PROKR1: variants seen among roughly 807,000 people sequenced by gnomAD.
PROKR1 encodes prokineticin receptor 1.
Under a neutral mutation model 22.8 loss-of-function variants are expected in PROKR1, and 21 were observed. The ratio of observed to expected loss-of-function variants is 0.92; its 90% CI spans 0.65 to 1.32. The LOEUF is 1.32. PROKR1 is among the 40% of genes most tolerant of loss of function. The probability of loss-of-function intolerance (pLI) is 0.00; values close to 1 mark genes in which losing one functional copy is unlikely to be tolerated. For synonymous variants in PROKR1, 193 were observed against 207.5 expected (o/e 0.93, Z 0.60); for missense variants, 548 against 514.2 (o/e 1.07, Z -0.64).
intron 1 of PROKR1, among the ~76,000 whole-genome samples, chr2:68,644,556 T>A (rs1673132766): frequency 6.6e-6 from 1 of 152,120 alleles, no homozygotes; most frequent in South Asian, 2.1e-4. Context: ...GCTCCAGATG[T>A]TTTGCCTCGG....
intron 2 of PROKR1, among the ~76,000 whole-genome samples, chr2:68,646,548 C>A (rs1673183450): frequency 6.6e-6 from 1 of 152,208 alleles, no homozygotes; most frequent in Non-Finnish European, 1.5e-5. Context: ...AGCTTTTGAT[C>A]TCCCTTGCTA....
chr2:68,653,319 GC>G (rs1485379346), intron 2 of PROKR1, among the ~76,000 whole-genome samples: 2 of 152,114 alleles, frequency 1.3e-5, no homozygotes, highest in African/African-American at 4.8e-5. Flanking sequence ...AACATCTGGG[GC>G]TAGAAGAGCT....
At chr2:68,644,544 A>G (rs964997411) in intron 1 of PROKR1, among the ~76,000 whole-genome samples, 3 of 152,112 alleles carry the variant, frequency 2.0e-5, no homozygotes, top group Non-Finnish European at 4.4e-5. Flanking sequence ...CCAAGAAGAC[A>G]GGCTCCAGAT....
In PROKR1 at chr2:68,658,084, T is replaced by TCGCA. The variant is rs1428805809; in HGVS notation, c.*2508_*2509insCGCA. 1 of 152,236 alleles carries TCGCA rather than the reference T, an allele frequency of 6.6e-6. No individual in the cohort carries two copies. The highest frequency in any genetic ancestry group is 1.5e-5 in the Non-Finnish European group (1 of 68,044). 9.4% of individuals were successfully genotyped at this position (152,236 alleles called of 1,614,324 possible). A position where few individuals can be genotyped will look rare whatever the true frequency, so the allele number is the denominator to read the frequency against. On this transcript the variant is annotated 3_prime_UTR_variant, in exon 3 of 3. Coordinates refer to ENST00000303786, the MANE Select transcript of PROKR1 (RefSeq NM_138964.4). ...GTTGATTGTATTAAACAGGAGCTTT[T>TCGCA]TATATGCGGCAACCAAAGCCCACTC...
At chr2:68,644,615 G>A (rs1016340051) in intron 1 of PROKR1, among the ~76,000 whole-genome samples, 1 of 152,136 alleles carries the variant, frequency 6.6e-6, no homozygotes, top group African/African-American at 2.4e-5. Context: ...TGGGGTCCTG[G>A]GCATCTTCCT....
At position 68,645,973 on chromosome 2, in the gene PROKR1, A is replaced by G; in HGVS notation, c.152A>G (p.Asp51Gly). The change falls in exon 2 of 3, where the codon GAT (aspartate) becomes GGT (glycine). Residue 51 changes from aspartate (D) to glycine (G), a missense_variant. Asp to Gly is a moderately conservative substitution (Grantham distance 94, BLOSUM62 -1). Coordinates refer to ENST00000303786, the MANE Select transcript of PROKR1 (RefSeq NM_138964.4). ...GATATGCCTTTGGATGAAGATGAGGATGTGACCAATTCCAGGACGTTCTTT... is the reference window on the plus strand; with the variant it reads ...GATATGCCTTTGGATGAAGATGAGGGTGTGACCAATTCCAGGACGTTCTTT... ...DYDMPLDEDE[D>G]VTNSRTFFAA... 2 of 1,614,236 alleles carry G rather than the reference A, an allele frequency of 1.2e-6. No individual in the cohort carries two copies. Among genetic ancestry groups the G allele is most frequent in the Non-Finnish European group, 1.7e-6 (2 of 1,180,046 alleles).
Position 68,656,887 on chromosome 2 carries a change from A to T in PROKR1, c.*1311A>T, listed in dbSNP as rs996732627. 1 of 152,334 alleles carries T rather than the reference A, an allele frequency of 6.6e-6. No homozygotes were observed. Among genetic ancestry groups the T allele is most frequent in the Non-Finnish European group, 1.5e-5 (1 of 68,124 alleles). 9.4% of individuals were successfully genotyped at this position (152,334 alleles called of 1,614,324 possible). ...GTGGCAGGGGATGCAGGTCAGATGC[A>T]TCTTCCAGAAGTCTGGGCACCCAGG... On this transcript the variant is annotated 3_prime_UTR_variant, in exon 3 of 3. Transcript: ENST00000303786.
rs1241410090 is a variant in PROKR1, at chr2:68,646,229, G to A, written c.408G>A (p.Leu136=). ...TCTCCTGGGAGCACGGCCACGTCCT[G>A]TGCACCTCTGTCAACTACCTGCGCA... ...RQLSWEHGHV[L]CTSVNYLRTV... The change falls in exon 2 of 3, where the codon CTG becomes CTA. Residue 136 remains leucine, a synonymous_variant. Transcript: ENST00000303786. 6.2e-7 allele frequency: 1 copy of A among 1,613,806 alleles called. No individual in the cohort carries two copies.
At chr2:68,653,597 G>A (rs1673380549) in intron 2 of PROKR1, among the ~76,000 whole-genome samples, 1 of 152,122 alleles carries the variant, frequency 6.6e-6, no homozygotes, top group African/African-American at 2.4e-5. Flanking sequence ...GACTGTGTTT[G>A]TTTCCACTGT....
At position 68,646,005 on chromosome 2, in the gene PROKR1, A is replaced by T. The variant is rs138504480; in HGVS notation, c.184A>T (p.Lys62Ter). Reference sequence around the variant, plus strand: ...CAATTCCAGGACGTTCTTTGCTGCCAAGATTGTCATTGGGATGGCCCTGGT... The same window carrying T: ...CAATTCCAGGACGTTCTTTGCTGCCTAGATTGTCATTGGGATGGCCCTGGT... Reference protein sequence around the residue: ...VTNSRTFFAAKIVIGMALVGI... With the variant: ...VTNSRTFFAA The change falls in exon 2 of 3, where the codon AAG (lysine) becomes TAG (stop). Residue 62 changes from lysine (K) to a stop codon, truncating the protein, a stop_gained. Transcript: ENST00000303786. LOFTEE classifies it high-confidence loss of function. The T allele has an allele frequency of 2.5e-5, 40 of 1,614,120 alleles. No homozygotes were observed. Among genetic ancestry groups the T allele is most frequent in the Non-Finnish European group, 3.2e-5 (38 of 1,180,048 alleles).
chr2:68,658,181 T>G lies in PROKR1; in HGVS notation c.*2605T>G, dbSNP rs1285987789. 1 of 152,190 alleles carries G rather than the reference T, an allele frequency of 6.6e-6. No homozygotes were observed. The highest frequency in any genetic ancestry group is 6.5e-5 in the Admixed American group (1 of 15,286). The allele number at this position is 152,190 out of a possible 1,614,324, so 9.4% of individuals were successfully genotyped here. A position where few individuals can be genotyped will look rare whatever the true frequency, so the allele number is the denominator to read the frequency against. On this transcript the variant is annotated 3_prime_UTR_variant, in exon 3 of 3. Coordinates refer to ENST00000303786, the MANE Select transcript of PROKR1 (RefSeq NM_138964.4). Reference sequence around the variant, plus strand: ...TTACTTCCAAATATTAGTGTCTGCTTGTAATTTTGTAGTGAATGAGGGTGT... The same window carrying G: ...TTACTTCCAAATATTAGTGTCTGCTGGTAATTTTGTAGTGAATGAGGGTGT...
In PROKR1 at chr2:68,654,886, G is replaced by A; in HGVS notation, c.492G>A (p.Leu164=). Residue 164 remains leucine (L), a synonymous_variant, in exon 3 of 3, where the codon CTG becomes CTA. Coordinates refer to ENST00000303786, the MANE Select transcript of PROKR1 (RefSeq NM_138964.4). Reference sequence around the variant, plus strand: ...ACTTGTGTTCTTGCCCTAGGTATCTGGCTATTGTCCATCCGCTGAGACCAC... The same window carrying A: ...ACTTGTGTTCTTGCCCTAGGTATCTAGCTATTGTCCATCCGCTGAGACCAC... ...ALLAIAIDRY[L]AIVHPLRPRM... is the part of the protein sequence containing the mutation. The A allele has an allele frequency of 6.2e-7, 1 of 1,611,994 alleles. No individual in the cohort carries two copies. Among genetic ancestry groups the A allele is most frequent in the Middle Eastern group, 1.7e-4 (1 of 6,060 alleles).
chr2:68,645,640 A>G, intron 1 of PROKR1, 22 bp from the exon 2 acceptor site: 2 of 863,854 alleles, frequency 2.3e-6, no homozygotes, highest in East Asian at 2.6e-5. Flanking sequence ...CATATAGCCA[A>G]CTGTTTGTAT....
chr2:68,644,517 G>A (rs1288203472), intron 1 of PROKR1, among the ~76,000 whole-genome samples: 2 of 152,164 alleles, frequency 1.3e-5, no homozygotes, highest in Non-Finnish European at 2.9e-5. Flanking sequence ...GGGCGCAGAG[G>A]GACTTTAAAC....
chr2:68,654,163 A>G (rs1673393116), intron 2 of PROKR1, among the ~76,000 whole-genome samples: 1 of 152,042 alleles, frequency 6.6e-6, no homozygotes, highest in Admixed American at 6.6e-5. Flanking sequence ...GATTCTCCCA[A>G]CTCTTTGAAT....
At chr2:68,650,227 C>A (rs934326931) in intron 2 of PROKR1, among the ~76,000 whole-genome samples, 1 of 152,054 alleles carries the variant, frequency 6.6e-6, no homozygotes, top group Non-Finnish European at 1.5e-5. Context: ...AAAAAAAGAC[C>A]TCTAATAACT....
chr2:68,655,561 C>T lies in PROKR1; in HGVS notation c.1167C>T (p.Cys389=), dbSNP rs746144955. Residue 389 remains cysteine (C), a synonymous_variant, in exon 3 of 3, where the codon TGC becomes TGT. Transcript: ENST00000303786. The part of the protein sequence containing the change: ...IGMPATEEVD[C]IRLK ...TGCCTGCCACCGAAGAGGTGGACTGCATCAGACTAAAATAACCCCCTGGAC... is the reference window on the plus strand; with the variant it reads ...TGCCTGCCACCGAAGAGGTGGACTGTATCAGACTAAAATAACCCCCTGGAC... 3 of 1,614,048 alleles carry T rather than the reference C, an allele frequency of 1.9e-6. No homozygotes were observed. The Admixed American group carries it at 5.0e-5, about 27-fold the overall frequency.
chr2:68,647,383 A>G (rs1423296278), intron 2 of PROKR1, among the ~76,000 whole-genome samples: 3 of 152,218 alleles, frequency 2.0e-5, no homozygotes, highest in Admixed American at 2.0e-4. Flanking sequence ...TCTAGAGACA[A>G]TTATCCTGAG....
In PROKR1 at chr2:68,643,756, C is replaced by A. The variant is rs1166978234; in HGVS notation, c.-253C>A. On this transcript the variant is annotated 5_prime_UTR_variant, in exon 1 of 3. Transcript: ENST00000303786. ...GAGGAGGAAGGGAGCGGGGACCTGC[C>A]CTTCGCCTGCCGGCTTCTGGAAGAA... 2 of 152,302 alleles carry A rather than the reference C, an allele frequency of 1.3e-5. No individual in the cohort carries two copies. The highest frequency in any genetic ancestry group is 4.8e-5 in the African/African-American group (2 of 41,466). 9.4% of individuals were successfully genotyped at this position (152,302 alleles called of 1,614,324 possible).
Sources: allele counts gnomAD v4.1 joint callset (sites outside exome capture counted in the v4.1 genomes callset), GRCh38; gene constraint gnomAD v4.1.1; transcripts MANE v1.5; gene names NCBI Gene and HGNC (gene_info 2026-07-23, HGNC 2026-07-21).